AFG1L: variants seen among roughly 807,000 people sequenced by gnomAD.
The protein encoded by AFG1L is AFG1 like ATPase, also known as AFG1-like ATPase.
A neutral mutation model predicts 62.2 loss-of-function variants in AFG1L; 53 were observed. The ratio of observed to expected loss-of-function variants is 0.85; its 90% CI spans 0.68 to 1.07. The LOEUF is 1.07. Ranked by LOEUF, AFG1L falls within the 50% of genes least tolerant of loss-of-function variation. The pLI is 0.00. For missense variants in AFG1L, 555 were observed against 590.5 expected (o/e 0.94, Z 0.62); for synonymous variants, 228 against 210.3 (o/e 1.08, Z -0.73).
chr6:108,447,221 G>T lies in AFG1L; in HGVS notation c.815G>T (p.Cys272Phe), dbSNP rs754802590. ...CATTTGTTTGGATTGTAGGAATATT[G>T]TAATACAGTCCAGCTAGATTCTGGG... Reference protein sequence around the residue: ...VPFIAVLKEYCNTVQLDSGID... With the variant: ...VPFIAVLKEYFNTVQLDSGID... Residue 272 changes from cysteine to phenylalanine, a missense_variant, in exon 8 of 13, where the codon TGT (cysteine) becomes TTT (phenylalanine). Transcript: ENST00000368977. 1.3e-6 allele frequency: 2 copies of T among 1,586,620 alleles called. No individual in the cohort carries two copies.
At chr6:108,507,598 C>T (rs1356372529) in intron 10 of AFG1L, among the ~76,000 whole-genome samples, 1 of 152,182 alleles carries the variant, frequency 6.6e-6, no homozygotes, top group Non-Finnish European at 1.5e-5. Flanking sequence ...TGTAGTTATT[C>T]TGATAGAAAT....
chr6:108,347,429 C>T (rs1002504039), intron 3 of AFG1L, among the ~76,000 whole-genome samples: 5 of 152,106 alleles, frequency 3.3e-5, no homozygotes, highest in Non-Finnish European at 5.9e-5. Context: ...ATTAATATTT[C>T]TAGTCATAAC....
At chr6:108,454,810 G>A (rs1165661139) in intron 8 of AFG1L, among the ~76,000 whole-genome samples, 1 of 152,030 alleles carries the variant, frequency 6.6e-6, no homozygotes, top group Non-Finnish European at 1.5e-5. Context: ...ATGCCACCAC[G>A]CCCAGCTAAT....
chr6:108,417,268 A>ACACG (rs1554195859), intron 7 of AFG1L, among the ~76,000 whole-genome samples: 2 of 120,776 alleles, frequency 1.7e-5, no homozygotes, highest in Non-Finnish European at 3.4e-5. Context: ...ACAGACACGC[A>ACACG]CACACACACA....
At chr6:108,337,432 C>T (rs1428590331) in intron 2 of AFG1L, among the ~76,000 whole-genome samples, 1 of 152,144 alleles carries the variant, frequency 6.6e-6, no homozygotes, top group African/African-American at 2.4e-5. Flanking sequence ...ATTATTTGTG[C>T]TTTGTCCCCC....
intron 6 of AFG1L, among the ~76,000 whole-genome samples, chr6:108,367,899 A>T (rs1779824973): frequency 1.3e-5 from 2 of 152,186 alleles, no homozygotes; most frequent in South Asian, 4.1e-4. Context: ...TGCAATTAGT[A>T]ACATGGAATT....
At chr6:108,346,206 G>A (rs1471924063) in intron 2 of AFG1L, among the ~76,000 whole-genome samples, 3 of 152,010 alleles carry the variant, frequency 2.0e-5, no homozygotes, top group East Asian at 1.9e-4. Flanking sequence ...TTTTTTAAGA[G>A]TACAGTTCAG....
chr6:108,473,975 T>A (rs962370480), intron 8 of AFG1L, among the ~76,000 whole-genome samples: 1 of 152,212 alleles, frequency 6.6e-6, no homozygotes, highest in Non-Finnish European at 1.5e-5. Flanking sequence ...GATCAACCCA[T>A]CACCTAGATA....
intron 2 of AFG1L, chr6:108,344,867 A>G (rs1396418633): frequency 2.1e-6 from 1 of 465,912 alleles, no homozygotes; most frequent in South Asian, 1.6e-5. Context: ...ATTAGGTAAG[A>G]TAAGTTCTAT....
rs778897764 is a variant in AFG1L, at chr6:108,476,849, ATTC to A, written c.891-13_891-11del. On this transcript the variant is annotated splice_polypyrimidine_tract_variant and intron_variant, in intron 8 of 12. Coordinates refer to ENST00000368977, the MANE Select transcript of AFG1L (RefSeq NM_145315.5). ...AGTGTTATTAATTTCATATTCTATT[ATTC>A]TTTTCACTGTAGCACAAGTGAAGCT... 1.9e-5 allele frequency: 30 copies of A among 1,599,218 alleles called. No homozygotes were observed. Among genetic ancestry groups the A allele is most frequent in the Non-Finnish European group, 2.5e-5 (29 of 1,166,608 alleles).
At chr6:108,418,553 T>G (rs9486880) in intron 7 of AFG1L, among the ~76,000 whole-genome samples, 53,522 of 152,002 alleles carry the variant, frequency 0.35, 9,856 homozygotes, top group Non-Finnish European at 0.42. Context: ...ATAGATTTAT[T>G]AGTAGGTCTT....
chr6:108,360,316 T>C (rs1416183051), intron 5 of AFG1L, among the ~76,000 whole-genome samples: 1 of 152,176 alleles, frequency 6.6e-6, no homozygotes, highest in Non-Finnish European at 1.5e-5. Flanking sequence ...CAGTTAGTAG[T>C]TGGGTATTAT....
chr6:108,504,729 A>G (rs1336026066), intron 10 of AFG1L, among the ~76,000 whole-genome samples: 1 of 152,270 alleles, frequency 6.6e-6, no homozygotes, highest in Admixed American at 6.5e-5. Flanking sequence ...ATGAAGCACA[A>G]TAAAATGAAG....
At chr6:108,462,402 T>C (rs1772495264) in intron 8 of AFG1L, among the ~76,000 whole-genome samples, 1 of 151,300 alleles carries the variant, frequency 6.6e-6, no homozygotes, top group Non-Finnish European at 1.5e-5. Context: ...AGACCTTGTC[T>C]CAAAAAACAA....
At chr6:108,438,473 A>G (rs1771405986) in intron 7 of AFG1L, among the ~76,000 whole-genome samples, 1 of 152,166 alleles carries the variant, frequency 6.6e-6, no homozygotes, top group African/African-American at 2.4e-5. Flanking sequence ...GTCTCCAAAT[A>G]CAGTCACATT....
At chr6:108,481,832 A>T (rs1773331390) in intron 10 of AFG1L, among the ~76,000 whole-genome samples, 1 of 152,218 alleles carries the variant, frequency 6.6e-6, no homozygotes, top group Admixed American at 6.5e-5. Flanking sequence ...ATTTTCACAG[A>T]ATACCATTTT....
intron 6 of AFG1L, among the ~76,000 whole-genome samples, chr6:108,370,241 T>A (rs1779943952): frequency 6.6e-6 from 1 of 152,144 alleles, no homozygotes; most frequent in South Asian, 2.1e-4. Context: ...CAGGGACTGA[T>A]GTGATCTGAG....
intron 6 of AFG1L, among the ~76,000 whole-genome samples, chr6:108,374,525 G>A (rs527460871): frequency 1.3e-5 from 2 of 152,026 alleles, no homozygotes; most frequent in East Asian, 3.9e-4. Context: ...ATGGTGAAAG[G>A]TCCAGTTTCA....
At chr6:108,326,015 G>C (rs1179566131) in intron 2 of AFG1L, among the ~76,000 whole-genome samples, 1 of 151,892 alleles carries the variant, frequency 6.6e-6, no homozygotes, top group Non-Finnish European at 1.5e-5. Flanking sequence ...GATCTCAAAT[G>C]ATCCCCCTGC....
Sources: gnomAD v4.1 joint callset for allele counts (sites outside exome capture counted in the v4.1 genomes callset) on GRCh38, gnomAD v4.1.1 for gene constraint, MANE v1.5 for transcripts, NCBI Gene and HGNC (gene_info 2026-07-23, HGNC 2026-07-21) for gene names.